The following ASCC2 variants were observed in gnomAD, a reference collection of about 807,000 sequenced individuals.
ASCC2 encodes activating signal cointegrator 1 complex subunit 2.
In ASCC2, 42 loss-of-function variants were observed where a neutral mutation model predicts 93.5. The observed-to-expected ratio is 0.45, with a 90% confidence interval of 0.35 to 0.58. The LOEUF is 0.58. Ranked by LOEUF, ASCC2 falls within the 20% of genes least tolerant of loss-of-function variation. ASCC2 has a pLI of 0.00. For missense variants in ASCC2, 859 were observed against 977.6 expected, an observed-to-expected ratio of 0.88 and a Z score of 1.62; for synonymous variants, 364 against 384.2, an observed-to-expected ratio of 0.95 and a Z score of 0.62.
rs1214592522 is a variant in ASCC2 at position 29,793,299 on chromosome 22, G to C, written c.1919+61C>G. 3 of 1,600,906 alleles carry C rather than the reference G, an allele frequency of 1.9e-6. No individual in the cohort carries two copies. In the African/African-American group the frequency reaches 4.0e-5, roughly 21 times the overall value. On this transcript the variant is annotated intron_variant, in intron 17 of 19. Transcript: ENST00000307790. ...CACATCTGTGTAAACAAGTGGGTGA[G>C]GGAGCCCCATGGGCCTGAGAGCTGC...
intron 13 of ASCC2, among the ~76,000 whole-genome samples, chr22:29,804,110 A>G (rs740041): frequency 0.31 from 47,512 of 152,188 alleles, 8,538 homozygotes; most frequent in East Asian, 0.59. Flanking sequence ...GCTGCCTCCC[A>G]ACATGCAGGG....
chr22:29,801,161 A>C, intron 14 of ASCC2, 51 bp from the exon 15 acceptor site: 1 of 1,555,028 alleles, frequency 6.4e-7, no homozygotes, highest in Non-Finnish European at 8.8e-7. Context: ...CAGCTGATGC[A>C]ATCTGCACCC....
chr22:29,796,522 C>A (rs896505756), intron 15 of ASCC2, among the ~76,000 whole-genome samples: 2 of 152,074 alleles, frequency 1.3e-5, no homozygotes, highest in Non-Finnish European at 2.9e-5. Context: ...GGAGGCTCCA[C>A]GGTAGGGGGT....
intron 6 of ASCC2, 21 bp downstream of exon 6, chr22:29,815,985 C>G (rs377069399): frequency 6.4e-7 from 1 of 1,567,504 alleles, no homozygotes; most frequent in Middle Eastern, 1.7e-4. Flanking sequence ...ACCTCCCCTG[C>G]GCAGGGCCAA....
At chr22:29,801,320 C>T (rs2059050230) in intron 14 of ASCC2, among the ~76,000 whole-genome samples, 1 of 152,250 alleles carries the variant, frequency 6.6e-6, no homozygotes, top group Non-Finnish European at 1.5e-5. Flanking sequence ...TCAAACAAAG[C>T]TCCCCCTCAT....
At chr22:29,821,755 G>C (rs146575350) in intron 5 of ASCC2, 25 of 312,790 alleles carry the variant, frequency 8.0e-5, no homozygotes, top group African/African-American at 5.4e-4. Flanking sequence ...AGCTGTTCAG[G>C]AAGCTAAAGC....
chr22:29,813,299 T>A, intron 8 of ASCC2, 131 bp downstream of exon 8: 1 of 678,376 alleles, frequency 1.5e-6, no homozygotes, highest in Non-Finnish European at 2.6e-6. Flanking sequence ...TTTTCACTGC[T>A]GCATCCCCAG....
At chr22:29,820,162 CTTT>C (rs1274579219) in intron 5 of ASCC2, among the ~76,000 whole-genome samples, 1 of 150,944 alleles carries the variant, frequency 6.6e-6, no homozygotes, top group Non-Finnish European at 1.5e-5. Flanking sequence ...TGCAAAATTT[CTTT>C]TTTTCTTTTT....
intron 4 of ASCC2, among the ~76,000 whole-genome samples, chr22:29,822,692 T>C (rs1241031993): frequency 6.6e-6 from 1 of 151,278 alleles, no homozygotes; most frequent in Non-Finnish European, 1.5e-5. Flanking sequence ...CCCATGACTT[T>C]TACAACTGGC....
chr22:29,812,489 C>T (rs1602015267), intron 8 of ASCC2, among the ~76,000 whole-genome samples: 1 of 152,248 alleles, frequency 6.6e-6, no homozygotes, highest in South Asian at 2.1e-4. Flanking sequence ...ATCTTTCTAA[C>T]AGCTCCTTTG....
chr22:29,805,537 G>A (rs774835288), intron 12 of ASCC2, among the ~76,000 whole-genome samples: 4 of 152,032 alleles, frequency 2.6e-5, no homozygotes, highest in South Asian at 2.1e-4. Context: ...ACAACCTTCC[G>A]CGCTCCCCAG....
intron 8 of ASCC2, among the ~76,000 whole-genome samples, chr22:29,811,654 T>C (rs773916183): frequency 6.6e-6 from 1 of 152,192 alleles, no homozygotes; most frequent in African/African-American, 2.4e-5. Flanking sequence ...AAAGGCAGTG[T>C]TGCCTTTAGT....
chr22:29,810,764 TC>T (rs1424074668), intron 8 of ASCC2, among the ~76,000 whole-genome samples: 1 of 151,838 alleles, frequency 6.6e-6, no homozygotes, highest in Non-Finnish European at 1.5e-5. Flanking sequence ...ACAGTCTCGC[TC>T]TGTTGCCCAG....
chr22:29,806,490 C>A lies in ASCC2; in HGVS notation c.1080G>T (p.Glu360Asp), dbSNP rs1158644900. 1.9e-6 allele frequency: 3 copies of A among 1,613,852 alleles called. No individual in the cohort carries two copies. Among genetic ancestry groups the A allele is most frequent in the Non-Finnish European group, 2.5e-6 (3 of 1,179,930 alleles). Residue 360 changes from glutamate to aspartate, a missense_variant, in exon 11 of 20, where the codon GAG becomes GAT. Transcript: ENST00000307790. The stretch of plus-strand genomic sequence containing the variant: ...GCCAGCTCAGCCACACTCACCTCTT[C>A]TCCTGCAGCAAGGAGCTGAAGATCT... ...FLQIFSSLLQEKRFLRDYDAL... is the reference protein window; with the variant it reads ...FLQIFSSLLQDKRFLRDYDAL...
At chr22:29,806,772 C>T in intron 10 of ASCC2, 25 bp downstream of exon 10, 2 of 1,575,458 alleles carry the variant, frequency 1.3e-6, no homozygotes, top group Admixed American at 3.3e-5. Context: ...ACTCTTCCAC[C>T]AGGAGGCAAT....
chr22:29,825,179 C>A lies in ASCC2; in HGVS notation c.319G>T (p.Ala107Ser). The change falls in exon 4 of 20, where the codon GCC (alanine) becomes TCC (serine). Residue 107 changes from alanine (A) to serine (S), a missense_variant. By Grantham distance (99) the Ala-to-Ser change is moderately conservative (BLOSUM62 1). Coordinates refer to ENST00000307790, the MANE Select transcript of ASCC2 (RefSeq NM_032204.5). This position sits in a 1 kb window ranked among gnomAD's most constrained non-coding sequence, Gnocchi z 4.9. ...ATGTCAACAACCTCAGGGGCTGAGGCCACCCCCTCGTCGAATTTGCGGGGG... is the reference window on the plus strand; with the variant it reads ...ATGTCAACAACCTCAGGGGCTGAGGACACCCCCTCGTCGAATTTGCGGGGG... ...YVPRKFDEGV[A>S]SAPEVVDMQK... The A allele has an allele frequency of 6.4e-7, 1 of 1,563,274 alleles. No homozygotes were observed. Among genetic ancestry groups the A allele is most frequent in the Non-Finnish European group, 8.7e-7 (1 of 1,155,596 alleles).
rs781687895 is a variant in ASCC2, at chr22:29,790,543, G to A, written c.2028C>T (p.Asp676=). The change falls in exon 19 of 20, where the codon GAC becomes GAT. Residue 676 remains aspartate, a synonymous_variant. Coordinates refer to ENST00000307790, the MANE Select transcript of ASCC2 (RefSeq NM_032204.5). ...GCACTGCAGGGTCCTGAACAAAATG[G>A]TCGGGCTGTGGAAAGGAGAGGAGAC... The part of the protein sequence containing the change: ...DDADEEAPKP[D]HFVQDPAVLR... 1 of 1,613,942 alleles carries A rather than the reference G, an allele frequency of 6.2e-7. No individual in the cohort carries two copies. The highest frequency in any genetic ancestry group is 1.3e-5 in the African/African-American group (1 of 74,934).
chr22:29,817,648 A>G (rs2061017061), intron 5 of ASCC2, among the ~76,000 whole-genome samples: 1 of 152,182 alleles, frequency 6.6e-6, no homozygotes, highest in African/African-American at 2.4e-5. Context: ...GCACCCTCTC[A>G]TGATCCTTCC....
chr22:29,820,912 A>AC (rs1333255338), intron 5 of ASCC2, among the ~76,000 whole-genome samples: 1 of 138,504 alleles, frequency 7.2e-6, no homozygotes, highest in Non-Finnish European at 1.6e-5. Flanking sequence ...ATCTCAATAC[A>AC]CAAAAAAAAA....
Sources: gnomAD v4.1 joint callset for allele counts (sites outside exome capture counted in the v4.1 genomes callset) on GRCh38, gnomAD v4.1.1 for gene constraint, Gnocchi (gnomAD v3.1) non-coding constraint, MANE v1.5 for transcripts, NCBI Gene and HGNC (gene_info 2026-07-23, HGNC 2026-07-21) for gene names.